The following TRIM14 variants were observed in gnomAD, a reference collection of about 807,000 sequenced individuals.
TRIM14 encodes the protein tripartite motif containing 14.
Under a neutral mutation model 44.5 loss-of-function variants are expected in TRIM14, and 28 were observed. That is an observed-to-expected ratio of 0.63 (90% CI 0.47 to 0.86). The LOEUF is 0.86. TRIM14 is among the 40% of genes least tolerant of loss of function. TRIM14 has a pLI of 0.00. For synonymous variants in TRIM14, 299 were observed against 269.2 expected (o/e 1.11, Z -1.08); for missense variants, 607 against 611.1 (o/e 0.99, Z 0.07).
the TRIM14 span, among the ~76,000 whole-genome samples, chr9:98,048,248 T>A: frequency 6.6e-6 from 1 of 152,170 alleles, no homozygotes; most frequent in Non-Finnish European, 1.5e-5. Context: ...GGATCTGAGA[T>A]CTGGTCTAAA....
chr9:98,053,634 A>G, the TRIM14 span, among the ~76,000 whole-genome samples: 1 of 129,994 alleles, frequency 7.7e-6, no homozygotes, highest in Non-Finnish European at 1.5e-5. Context: ...AGTGATGTTT[A>G]ACATACACAC....
At position 98,090,560 on chromosome 9, in the gene TRIM14, CTTTTT is replaced by C. The variant is rs56909266; in HGVS notation, c.793+1344_793+1348del. Among the ~76,000 whole-genome samples, 568 of 124,244 alleles carry C rather than the reference CTTTTT, an allele frequency of 4.6e-3. 1 individual carries two copies. Among genetic ancestry groups the C allele is most frequent in the African/African-American group, 0.017 (532 of 32,196 alleles). 81.5% of individuals were successfully genotyped at this position (124,244 alleles called of 152,430 possible). On this transcript the variant is annotated intron_variant, in intron 5 of 5. Coordinates refer to ENST00000341469, the MANE Select transcript of TRIM14 (RefSeq NM_014788.4). ...GATCTGCACATTTTTGATTTGTGCA[CTTTTT>C]TTTTTTTTTTTTTTTTTAAGACGGA... is the stretch of plus-strand genomic sequence containing the variant.
intron 2 of TRIM14, among the ~76,000 whole-genome samples, chr9:98,107,679 T>C (rs1273971977): frequency 1.3e-5 from 2 of 151,926 alleles, no homozygotes; most frequent in Non-Finnish European, 2.9e-5. Flanking sequence ...GTAGATTTTT[T>C]TTTTTAAGAT....
the TRIM14 span, among the ~76,000 whole-genome samples, chr9:98,038,313 A>T: frequency 6.6e-6 from 1 of 152,088 alleles, no homozygotes; most frequent in South Asian, 2.1e-4. Flanking sequence ...AAGCCTCCCA[A>T]AGTGCTGGGA....
At chr9:98,072,334 G>A (rs777651331) in intron 6 of TRIM14, among the ~76,000 whole-genome samples, 3 of 152,114 alleles carry the variant, frequency 2.0e-5, no homozygotes, top group Non-Finnish European at 4.4e-5. Flanking sequence ...GGGCAGGTAG[G>A]TTCCTCTGGA....
chr9:98,087,682 C>CA lies in TRIM14; in HGVS notation c.1116_1117insT (p.Ala373CysfsTer136). On this transcript the variant is annotated frameshift_variant, in exon 6 of 6. Coordinates refer to ENST00000341469, the MANE Select transcript of TRIM14 (RefSeq NM_014788.4). LOFTEE classifies it high-confidence loss of function. The stretch of plus-strand genomic sequence containing the variant: ...CGGCTGCGCTGGCCGTCGTGGAAGG[C>CA]CCAGTACTCAAGGTCGTAGCGCTTG... The CA allele has an allele frequency of 6.2e-7, 1 of 1,601,884 alleles. No homozygotes were observed. Among genetic ancestry groups the CA allele is most frequent in the Non-Finnish European group, 8.5e-7 (1 of 1,178,640 alleles).
the TRIM14 span, chr9:98,056,976 G>C: frequency 6.5e-7 from 1 of 1,537,524 alleles, no homozygotes; most frequent in Middle Eastern, 2.1e-4. Flanking sequence ...GGATTCGGGC[G>C]CCGGGAGGGG....
At chr9:98,070,767 C>CA (rs1267682362) in intron 6 of TRIM14, among the ~76,000 whole-genome samples, 1 of 149,458 alleles carries the variant, frequency 6.7e-6, no homozygotes, top group Non-Finnish European at 1.5e-5. Context: ...AAAACCACAT[C>CA]AAAAAATAAA....
chr9:98,070,167 G>C (rs1042776401), intron 6 of TRIM14, among the ~76,000 whole-genome samples: 1 of 152,136 alleles, frequency 6.6e-6, no homozygotes, highest in Non-Finnish European at 1.5e-5. Flanking sequence ...ACGCAGGCTG[G>C]AGTGCAGTGG....
the TRIM14 span, among the ~76,000 whole-genome samples, chr9:98,043,647 TAC>T: frequency 6.7e-6 from 1 of 149,412 alleles, no homozygotes; most frequent in Non-Finnish European, 1.5e-5. Flanking sequence ...CAGACACACA[TAC>T]ACACACACAG....
At chr9:98,074,271 G>A (rs1407321938) in intron 6 of TRIM14, among the ~76,000 whole-genome samples, 1 of 152,152 alleles carries the variant, frequency 6.6e-6, no homozygotes, top group Non-Finnish European at 1.5e-5. Flanking sequence ...AGTTGTACAT[G>A]CCTGAGCTCC....
At chr9:98,055,049 C>T in the TRIM14 span, among the ~76,000 whole-genome samples, 1,456 of 152,210 alleles carry the variant, frequency 9.6e-3, 20 homozygotes, top group African/African-American at 0.033. Context: ...AATGGAGTTT[C>T]GCTCTTGTTG....
chr9:98,072,324 G>A (rs2131638649), intron 6 of TRIM14, among the ~76,000 whole-genome samples: 1 of 152,204 alleles, frequency 6.6e-6, no homozygotes, highest in Admixed American at 6.5e-5. Context: ...CAGCCTATTT[G>A]GGCAGGTAGG....
chr9:98,079,065 G>A (rs1453442448), intron 6 of TRIM14, among the ~76,000 whole-genome samples: 1 of 151,894 alleles, frequency 6.6e-6, no homozygotes, highest in Non-Finnish European at 1.5e-5. Context: ...TAGTTATAGT[G>A]ACAGCCTTGA....
rs538266228 is a variant in TRIM14 at position 98,078,530 on chromosome 9, G to A, written c.*29-8843C>T. Among the ~76,000 whole-genome samples, 4 of 152,080 alleles carry A rather than the reference G, an allele frequency of 2.6e-5. No individual in the cohort carries two copies. The East Asian group carries it at 5.8e-4, about 22-fold the overall frequency. ...GAGGAAGCACATACATTCTAAAGAG[G>A]GTGACTGTAAATGAAATTTTCTTGG... is the stretch of plus-strand genomic sequence containing the variant. On this transcript the variant is annotated intron_variant, in intron 6 of 6. Transcript: ENST00000375098.
chr9:98,118,988 G>A lies in TRIM14; in HGVS notation c.201C>T (p.His67=), dbSNP rs747326335. ...CCGTCCCCATCGTCCCCACCTGCACGTGCACCGCTGCCTCCAGCGCCAGGC... is the reference window on the plus strand; with the variant it reads ...CCGTCCCCATCGTCCCCACCTGCACATGCACCGCTGCCTCCAGCGCCAGGC... ...PVGLALEAAV[H]VQKLSQECLK... The change falls in exon 1 of 6, where the codon CAC becomes CAT. Residue 67 remains histidine (H), a synonymous_variant. Coordinates refer to ENST00000341469, the MANE Select transcript of TRIM14 (RefSeq NM_014788.4). The A allele has an allele frequency of 2.4e-5, 37 of 1,545,872 alleles. No individual in the cohort carries two copies. In the African/African-American group the frequency reaches 4.5e-4, roughly 19 times the overall value.
chr9:98,104,843 A>G (rs1471742430), intron 2 of TRIM14, among the ~76,000 whole-genome samples: 1 of 152,132 alleles, frequency 6.6e-6, no homozygotes, highest in Non-Finnish European at 1.5e-5. Flanking sequence ...GAGTGAGGAG[A>G]TGAAAGGAGG....
chr9:98,100,390 A>G (rs1826346564), intron 2 of TRIM14, among the ~76,000 whole-genome samples: 2 of 152,226 alleles, frequency 1.3e-5, no homozygotes, highest in African/African-American at 4.8e-5. Flanking sequence ...AAAAAATAGC[A>G]AAATATGTGG....
chr9:98,085,996 C>A lies in TRIM14; in HGVS notation c.*1474G>T, dbSNP rs960764809. ...GGAGACACAAATCCCTGGAAAGAAG[C>A]CTCCCACTCCCTGCTAGCGAAGGTG... On this transcript the variant is annotated 3_prime_UTR_variant, in exon 6 of 6. Transcript: ENST00000341469. 2.0e-5 allele frequency: 3 copies of A among 152,348 alleles called. No individual in the cohort carries two copies. Among genetic ancestry groups the A allele is most frequent in the African/African-American group, 7.2e-5 (3 of 41,546 alleles). The allele number at this position is 152,348 out of a possible 1,614,324, so 9.4% of individuals were successfully genotyped here.
Sources: gnomAD v4.1 joint callset for allele counts (sites outside exome capture counted in the v4.1 genomes callset) on GRCh38, gnomAD v4.1.1 for gene constraint, MANE v1.5 for transcripts, NCBI Gene and HGNC (gene_info 2026-07-23, HGNC 2026-07-21) for gene names.